The following SVEP1 variants were observed in gnomAD, a reference collection of about 807,000 sequenced individuals.
The protein encoded by SVEP1 is sushi, von Willebrand factor type A, EGF and pentraxin domain containing 1.
In SVEP1, 164 loss-of-function variants were observed where a neutral mutation model predicts 367.3. That is an observed-to-expected ratio of 0.45 (90% CI 0.39 to 0.51). The LOEUF (loss-of-function observed/expected upper bound fraction) is 0.51. SVEP1 is among the 20% of genes least tolerant of loss of function. SVEP1 has a pLI of 0.00. For synonymous variants in SVEP1, 1,666 were observed against 1,611.6 expected (o/e 1.03, Z -0.81); for missense variants, 4,117 against 4,425.3 (o/e 0.93, Z 1.98).
At position 110,509,390 on chromosome 9, in the gene SVEP1, C is replaced by A. The variant is rs550199104; in HGVS notation, c.1303+3536G>T. Among the ~76,000 whole-genome samples, 12 of 152,288 alleles carry A rather than the reference C, an allele frequency of 7.9e-5. No homozygotes were observed. In the South Asian group the frequency reaches 2.5e-3, roughly 32 times the overall value. ...GGGTAAGTACCTTCATTCAGTACAACTTTGTATACTGGTAAGTTAGCTGTA... is the reference window on the plus strand; with the variant it reads ...GGGTAAGTACCTTCATTCAGTACAAATTTGTATACTGGTAAGTTAGCTGTA... On this transcript the variant is annotated intron_variant, in intron 5 of 47. Coordinates refer to ENST00000374469, the MANE Select transcript of SVEP1 (RefSeq NM_153366.4).
chr9:110,551,713 G>C (rs1830289225), intron 1 of SVEP1, among the ~76,000 whole-genome samples: 2 of 152,138 alleles, frequency 1.3e-5, no homozygotes, highest in African/African-American at 2.4e-5. Flanking sequence ...ATGAATGACA[G>C]GAAGATTTGG....
intron 1 of SVEP1, among the ~76,000 whole-genome samples, chr9:110,552,580 C>CA (rs1830303772): frequency 6.6e-6 from 1 of 152,086 alleles, no homozygotes. Context: ...TAGATGGTCC[C>CA]ATCTGGGAGT....
intron 5 of SVEP1, among the ~76,000 whole-genome samples, chr9:110,504,590 C>T (rs148289350): frequency 1.3e-5 from 2 of 152,186 alleles, no homozygotes; most frequent in Non-Finnish European, 2.9e-5. Flanking sequence ...CTTTGGATTA[C>T]CTACTTCTGT....
In SVEP1 at chr9:110,552,655, G is replaced by A. The variant is rs182098026; in HGVS notation, c.532-2551C>T. Among the ~76,000 whole-genome samples the A allele has an allele frequency of 1.7e-3, 253 of 152,036 alleles. 1 individual carries two copies. The highest frequency in any genetic ancestry group is 5.9e-3 in the African/African-American group (246 of 41,480). ...GCATACAGTTCACAATAGTGTTCAC[G>A]CTCCTATGAGAATCTAATGCTGCCG... On this transcript the variant is annotated intron_variant, in intron 1 of 47. Coordinates refer to ENST00000374469, the MANE Select transcript of SVEP1 (RefSeq NM_153366.4).
chr9:110,519,662 A>G (rs1242717564), intron 3 of SVEP1, among the ~76,000 whole-genome samples: 2 of 152,170 alleles, frequency 1.3e-5, no homozygotes, highest in East Asian at 3.9e-4. Context: ...CAATTGCCTG[A>G]GCTGGCAGTC....
At chr9:110,394,967 G>T (rs1302480292) in intron 40 of SVEP1, among the ~76,000 whole-genome samples, 1 of 152,186 alleles carries the variant, frequency 6.6e-6, no homozygotes, top group Admixed American at 6.5e-5. Context: ...ATCTAGCAAG[G>T]CAGGCCAGCA....
chr9:110,459,524 A>G (rs1418193584), intron 18 of SVEP1, among the ~76,000 whole-genome samples: 2 of 152,174 alleles, frequency 1.3e-5, no homozygotes, highest in African/African-American at 4.8e-5. Flanking sequence ...TATTATAAAT[A>G]ATGCTGAAGT....
chr9:110,488,383 T>C (rs1192325053), intron 9 of SVEP1, among the ~76,000 whole-genome samples: 2 of 151,774 alleles, frequency 1.3e-5, no homozygotes, highest in South Asian at 2.1e-4. Context: ...CAGAGAGAGA[T>C]AGAGAAGACC....
chr9:110,381,104 CT>C (rs765985466), intron 43 of SVEP1, among the ~76,000 whole-genome samples: 53 of 151,928 alleles, frequency 3.5e-4, no homozygotes, highest in Admixed American at 1.1e-3. Context: ...TGATTCTTCC[CT>C]TTTTTTAATT....
chr9:110,518,347 G>A (rs1386724339), intron 3 of SVEP1, among the ~76,000 whole-genome samples: 3 of 151,870 alleles, frequency 2.0e-5, no homozygotes, highest in East Asian at 1.9e-4. Context: ...ACTTGAACCT[G>A]GGAGACGGAG....
Position 110,366,579 on chromosome 9 carries a change from GCAACCAAATAGATTC to G in SVEP1, c.10695-34_10695-20del. ...CCTTTTCCTGGAAAAAAAAAAAAAA[GCAACCAAATAGATTC>G]AAAAGAAAAAATTGAACTGAAGAGC... is the stretch of plus-strand genomic sequence containing the variant. On this transcript the variant is annotated intron_variant, in intron 47 of 47. Coordinates refer to ENST00000374469, the MANE Select transcript of SVEP1 (RefSeq NM_153366.4). 1 of 1,258,216 alleles carries G rather than the reference GCAACCAAATAGATTC, an allele frequency of 7.9e-7. No homozygotes were observed. Among genetic ancestry groups the G allele is most frequent in the South Asian group, 1.4e-5 (1 of 70,080 alleles). The allele number at this position is 1,258,216 out of a possible 1,614,324, so 77.9% of individuals were successfully genotyped here.
chr9:110,497,796 T>C lies in SVEP1; in HGVS notation c.1682-863A>G, dbSNP rs147001854. 3.9e-5 allele frequency among the ~76,000 whole-genome samples: 6 copies of C among 152,360 alleles called. No individual in the cohort carries two copies. The East Asian group carries it at 1.2e-3, about 29-fold the overall frequency. ...AATACATCTTTTATTTTAATTTATGTTAAATTAGGTCTTCTGTAACTTCTG... is the reference window on the plus strand; with the variant it reads ...AATACATCTTTTATTTTAATTTATGCTAAATTAGGTCTTCTGTAACTTCTG... On this transcript the variant is annotated intron_variant, in intron 7 of 47. Transcript: ENST00000374469.
chr9:110,407,348 C>T lies in SVEP1; in HGVS notation c.8252G>A (p.Gly2751Asp). ...YSCKPGHILA[G>D]SDLRLCLENR... ...CTCTAGACAAAGCCTTAAGTCAGAG[C>T]CTGCTAGAATGTGTCCAGGTTTACA... Residue 2751 changes from glycine (G) to aspartate (D), a missense_variant, in exon 38 of 48, where the codon GGC becomes GAC. By Grantham distance (94) the Gly-to-Asp change is moderately conservative. Around this residue, in one of 4 missense-constraint regions of SVEP1, gnomAD observed 1,765 missense variants for 1,781.1 expected, o/e 0.99. Transcript: ENST00000374469. 6.2e-7 allele frequency: 1 copy of T among 1,613,970 alleles called. No individual in the cohort carries two copies. Among genetic ancestry groups the T allele is most frequent in the Non-Finnish European group, 8.5e-7 (1 of 1,179,876 alleles).
chr9:110,413,447 C>A (rs370065995), intron 36 of SVEP1, among the ~76,000 whole-genome samples: 1 of 148,172 alleles, frequency 6.7e-6, no homozygotes, highest in Non-Finnish European at 1.5e-5. Context: ...TGCTAGATGA[C>A]GAGTTAGTGG....
chr9:110,456,876 G>T (rs942319600), intron 21 of SVEP1, among the ~76,000 whole-genome samples: 8 of 152,184 alleles, frequency 5.3e-5, no homozygotes, highest in African/African-American at 1.7e-4. Flanking sequence ...TTAGTGTGTA[G>T]CAAATCAGAG....
chr9:110,461,763 T>G (rs1178888970), intron 18 of SVEP1, among the ~76,000 whole-genome samples: 1 of 152,218 alleles, frequency 6.6e-6, no homozygotes, highest in African/African-American at 2.4e-5. Context: ...TAGATTTTTA[T>G]GCAAATTTAG....
chr9:110,451,304 C>G lies in SVEP1; in HGVS notation c.3886G>C (p.Val1296Leu). 6.2e-7 allele frequency: 1 copy of G among 1,613,652 alleles called. No individual in the cohort carries two copies. The highest frequency in any genetic ancestry group is 8.5e-7 in the Non-Finnish European group (1 of 1,179,692). Residue 1296 changes from valine (V) to leucine (L), a missense_variant, in exon 23 of 48, where the codon GTG (valine) becomes CTG (leucine). Val to Leu is a conservative substitution (Grantham distance 32). Around this residue, in one of 4 missense-constraint regions of SVEP1, gnomAD observed 2,174 missense variants for 2,494.3 expected, o/e 0.87. Transcript: ENST00000374469. ...DGVAGYRCTC[V>L]KGFVGLHCET... is the part of the protein sequence containing the mutation. ...AACATCTTACCTACAAATCCTTTCA[C>G]ACATGTGCAACGATAGCCAGCCACA... is the stretch of plus-strand genomic sequence containing the variant.
intron 1 of SVEP1, among the ~76,000 whole-genome samples, chr9:110,553,237 G>T (rs1830313766): frequency 6.6e-6 from 1 of 152,156 alleles, no homozygotes; most frequent in African/African-American, 2.4e-5. Flanking sequence ...CAGGGAGGAA[G>T]GGAAGAGGTA....
rs117374235 is a variant in SVEP1, at chr9:110,474,868, T to C, written c.2599+1336A>G. On this transcript the variant is annotated intron_variant, in intron 14 of 47. Transcript: ENST00000374469. ...ATTCAAACTGTACTGAAGTAGGATA[T>C]TTAGTGAATAAAAATGTCCTCAATA... Among the ~76,000 whole-genome samples the C allele has an allele frequency of 9.9e-5, 15 of 152,156 alleles. No homozygotes were observed. In the East Asian group the frequency reaches 2.5e-3, roughly 25 times the overall value.
Sources: allele counts gnomAD v4.1 joint callset (sites outside exome capture counted in the v4.1 genomes callset), GRCh38; gene constraint gnomAD v4.1.1; regional missense constraint gnomAD v4.1.1; transcripts MANE v1.5; gene names NCBI Gene and HGNC (gene_info 2026-07-23, HGNC 2026-07-21).